Variants in RGS2 observed in about 807,000 individuals in gnomAD.
RGS2 encodes the protein regulator of G protein signaling 2.
In RGS2, 20 loss-of-function variants were observed where a neutral mutation model predicts 26.6. The ratio of observed to expected loss-of-function variants is 0.75; its 90% CI spans 0.53 to 1.09. RGS2 has a LOEUF of 1.09. Among genes scored for constraint, RGS2 ranks in the 50% least tolerant of loss-of-function variants. The pLI is 0.00. For synonymous variants in RGS2, 97 were observed against 79.9 expected, an observed-to-expected ratio of 1.21 and a Z score of -1.14; for missense variants, 246 against 245.5, an observed-to-expected ratio of 1.00 and a Z score of -0.01.
chr1:192,811,770 G>A lies in RGS2; in HGVS notation c.*174G>A. 1.5e-6 allele frequency: 1 copy of A among 679,944 alleles called. No individual in the cohort carries two copies. Among genetic ancestry groups the A allele is most frequent in the Non-Finnish European group, 2.6e-6 (1 of 378,788 alleles). The allele number at this position is 679,944 out of a possible 1,614,324, so 42.1% of individuals were successfully genotyped here. ...TCAGGAAGCCAGTAACTGACTAGGA[G>A]AAGCTGGTATCAGAACAGCTTCCCT... On this transcript the variant is annotated 3_prime_UTR_variant, in exon 5 of 5. Coordinates refer to ENST00000235382, the MANE Select transcript of RGS2 (RefSeq NM_002923.4).
rs141407357 is a variant in RGS2 at position 192,810,485 on chromosome 1, G to C, written c.274+54G>C. 1,943 of 1,539,566 alleles carry C rather than the reference G, an allele frequency of 1.3e-3. 4 individuals carry two copies. Among genetic ancestry groups the C allele is most frequent in the Non-Finnish European group, 1.2e-3 (1,282 of 1,114,638 alleles). On this transcript the variant is annotated intron_variant, in intron 3 of 4. Transcript: ENST00000235382. ...GCTAACATCGCAAAAGCCTGGAAAGGCTGCGTCCACCTAACAAAAGAGCAG... is the reference window on the plus strand; with the variant it reads ...GCTAACATCGCAAAAGCCTGGAAAGCCTGCGTCCACCTAACAAAAGAGCAG...
At position 192,811,907 on chromosome 1, in the gene RGS2, G is replaced by T; in HGVS notation, c.*311G>T. On this transcript the variant is annotated 3_prime_UTR_variant, in exon 5 of 5. Transcript: ENST00000235382. ...ACAATGTAATACTGTTGGTCCAAAA[G>T]CATTTAAAATCAATAGATCTGGGAT... 5.1e-6 allele frequency: 2 copies of T among 391,426 alleles called. No individual in the cohort carries two copies. The highest frequency in any genetic ancestry group is 9.6e-6 in the Non-Finnish European group (2 of 207,862). The allele number at this position is 391,426 out of a possible 1,614,324, so 24.2% of individuals were successfully genotyped here.
rs1665593371 is a variant in RGS2 at position 192,811,586 on chromosome 1, A to G, written c.626A>G (p.His209Arg). Residue 209 changes from histidine (H) to arginine (R), a missense_variant, in exon 5 of 5, where the codon CAT becomes CGT. Coordinates refer to ENST00000235382, the MANE Select transcript of RGS2 (RefSeq NM_002923.4). ...AAGCCACAAATCACCACAGAGCCTC[A>G]TGCTACATGAAATGTAAAAGGGAGC... ...CKKPQITTEP[H>R]AT 6.2e-7 allele frequency: 1 copy of G among 1,612,406 alleles called. No individual in the cohort carries two copies.
In RGS2 at chr1:192,811,367, A is replaced by C. The variant is rs759877100; in HGVS notation, c.442-35A>C. 11 of 1,535,834 alleles carry C rather than the reference A, an allele frequency of 7.2e-6. No individual in the cohort carries two copies. In the Admixed American group the frequency reaches 1.0e-4, roughly 14 times the overall value. ...TACTAAATTTTAATCTTTAACTCTG[A>C]ATACCAAATAAACAACTTTTTTGTT... On this transcript the variant is annotated intron_variant, in intron 4 of 4. Transcript: ENST00000235382.
chr1:192,809,233 C>T, intron 1 of RGS2, 52 bp downstream of exon 1: 1 of 1,294,744 alleles, frequency 7.7e-7, no homozygotes, highest in Non-Finnish European at 1.1e-6. Context: ...ACACTGCAAG[C>T]TGCAAACGCG....
At chr1:192,809,759 G>T (rs1665555072) in intron 1 of RGS2, among the ~76,000 whole-genome samples, 1 of 152,170 alleles carries the variant, frequency 6.6e-6, no homozygotes, top group African/African-American at 2.4e-5. Flanking sequence ...AAAGAGAGAA[G>T]CGTGGGCCGG....
Position 192,811,719 on chromosome 1 carries a change from C to G in RGS2, c.*123C>G. On this transcript the variant is annotated 3_prime_UTR_variant, in exon 5 of 5. Coordinates refer to ENST00000235382, the MANE Select transcript of RGS2 (RefSeq NM_002923.4). The stretch of plus-strand genomic sequence containing the variant: ...GGTGTTCAGGAAACATCACTCAGAA[C>G]TATTGATTCAAAGTTGGGTAGTGAA... The G allele has an allele frequency of 2.1e-6, 2 of 970,856 alleles. No individual in the cohort carries two copies. Among genetic ancestry groups the G allele is most frequent in the Non-Finnish European group, 3.3e-6 (2 of 604,152 alleles). 60.1% of individuals were successfully genotyped at this position (970,856 alleles called of 1,614,324 possible).
At position 192,810,179 on chromosome 1, in the gene RGS2, A is replaced by T; in HGVS notation, c.124A>T (p.Lys42Ter). 1 of 1,609,378 alleles carries T rather than the reference A, an allele frequency of 6.2e-7. No homozygotes were observed. The highest frequency in any genetic ancestry group is 8.5e-7 in the Non-Finnish European group (1 of 1,175,672). ...KMKRTLLKDW[K>*]TRLSYFLQNS... ...TTTTTGTTTTAGTTTAAAAGATTGG[A>T]AGACCCGTTTGAGCTACTTCTTACA... is the stretch of plus-strand genomic sequence containing the variant. The change falls in exon 2 of 5, where the codon AAG (lysine) becomes TAG (stop). Residue 42 changes from lysine (K) to a stop codon, truncating the protein, a stop_gained. Coordinates refer to ENST00000235382, the MANE Select transcript of RGS2 (RefSeq NM_002923.4). LOFTEE classifies it high-confidence loss of function.
chr1:192,811,402 A>C lies in RGS2; in HGVS notation c.442A>C (p.Ile148Leu). The C allele has an allele frequency of 6.2e-7, 1 of 1,611,104 alleles. No individual in the cohort carries two copies. Among genetic ancestry groups the C allele is most frequent in the Non-Finnish European group, 8.5e-7 (1 of 1,177,996 alleles). ...AAACAACTTTTTTGTTTTATTTCAGATAAACATAGATTTTCAAACCAAAAC... is the reference window on the plus strand; with the variant it reads ...AAACAACTTTTTTGTTTTATTTCAGCTAAACATAGATTTTCAAACCAAAAC... ...DFIEKEAPKE[I>L]NIDFQTKTLI... Residue 148 changes from isoleucine (I) to leucine (L), a missense_variant and splice_region_variant, in exon 5 of 5, where the codon ATA becomes CTA. Transcript: ENST00000235382.
intron 1 of RGS2, chr1:192,809,662 T>G: frequency 3.7e-6 from 1 of 272,720 alleles, no homozygotes; most frequent in Non-Finnish European, 7.2e-6. Context: ...TTAAAAGAAG[T>G]GTCGTAGGTG....
intron 3 of RGS2, 22 bp from the exon 4 acceptor site, chr1:192,810,958 GC>G: frequency 7.5e-6 from 12 of 1,610,326 alleles, no homozygotes; most frequent in Non-Finnish European, 1.0e-5. Context: ...CATTCTGCAT[GC>G]TCTCTTTTCT....
chr1:192,810,955 C>T, intron 3 of RGS2, 26 bp from the exon 4 acceptor site: 3 of 1,582,870 alleles, frequency 1.9e-6, no homozygotes, highest in Non-Finnish European at 2.6e-6. Flanking sequence ...TCACATTCTG[C>T]ATGCTCTCTT....
At chr1:192,809,257 C>A in intron 1 of RGS2, 76 bp downstream of exon 1, 1 of 1,070,602 alleles carries the variant, frequency 9.3e-7, no homozygotes, top group Non-Finnish European at 1.5e-6. Context: ...CTTTCGGGCT[C>A]GCCTTTGACG....
At position 192,811,610 on chromosome 1, in the gene RGS2, GC is replaced by G; in HGVS notation, c.*17del. Reference sequence around the variant, plus strand: ...CATGCTACATGAAATGTAAAAGGGAGCCCAGAAATGGAGGACATTTCATTCT... The same window carrying G: ...CATGCTACATGAAATGTAAAAGGGAGCCAGAAATGGAGGACATTTCATTCT... On this transcript the variant is annotated 3_prime_UTR_variant, in exon 5 of 5. Coordinates refer to ENST00000235382, the MANE Select transcript of RGS2 (RefSeq NM_002923.4). 6.2e-7 allele frequency: 1 copy of G among 1,611,362 alleles called. No homozygotes were observed. The highest frequency in any genetic ancestry group is 8.5e-7 in the Non-Finnish European group (1 of 1,177,518).
intron 1 of RGS2, 91 bp from the exon 2 acceptor site, chr1:192,810,075 G>A (rs1665559297): frequency 1.2e-6 from 1 of 802,958 alleles, no homozygotes. Flanking sequence ...TCTAGTTACT[G>A]GGTGACTTTA....
In RGS2 at chr1:192,809,062, G is replaced by T; in HGVS notation, c.-10G>T. On this transcript the variant is annotated 5_prime_UTR_variant, in exon 1 of 5. Transcript: ENST00000235382. ...CCGCAAACAGCCGGGGCTCCAGCGG[G>T]AGAACGATAATGCAAAGTGCTATGT... 1 of 1,603,314 alleles carries T rather than the reference G, an allele frequency of 6.2e-7. No individual in the cohort carries two copies. The highest frequency in any genetic ancestry group is 2.2e-5 in the East Asian group (1 of 44,814).
Position 192,810,432 on chromosome 1 carries a change from GTAAGT to G in RGS2, c.274+5_274+9del, listed in dbSNP as rs1665572932. ...TTTGACGAGCTGCTAGCCAGCAAATGTAAGTTAACTCTTGAGCTTGAGCCATTGCT... is the reference window on the plus strand; with the variant it reads ...TTTGACGAGCTGCTAGCCAGCAAATGTAACTCTTGAGCTTGAGCCATTGCT... On this transcript the variant is annotated splice_donor_variant and splice_donor_5th_base_variant and intron_variant, in intron 3 of 4. Transcript: ENST00000235382. LOFTEE classifies it high-confidence loss of function. 1.9e-6 allele frequency: 3 copies of G among 1,613,864 alleles called. No individual in the cohort carries two copies. The highest frequency in any genetic ancestry group is 2.5e-6 in the Non-Finnish European group (3 of 1,179,842).
At position 192,809,056 on chromosome 1, in the gene RGS2, C is replaced by G. The variant is rs1324682377; in HGVS notation, c.-16C>G. On this transcript the variant is annotated 5_prime_UTR_variant, in exon 1 of 5. Transcript: ENST00000235382. ...GCCCAGCCGCAAACAGCCGGGGCTC[C>G]AGCGGGAGAACGATAATGCAAAGTG... is the stretch of plus-strand genomic sequence containing the variant. 1.3e-6 allele frequency: 2 copies of G among 1,592,118 alleles called. No individual in the cohort carries two copies. Among genetic ancestry groups the G allele is most frequent in the Admixed American group, 1.7e-5 (1 of 60,002 alleles).
chr1:192,809,358 G>C, intron 1 of RGS2, 177 bp downstream of exon 1: 1 of 647,498 alleles, frequency 1.5e-6, no homozygotes, highest in Admixed American at 2.2e-5. Context: ...CTCGGGTACA[G>C]TTTAAGAACC....
Sources: allele counts gnomAD v4.1 joint callset (sites outside exome capture counted in the v4.1 genomes callset), GRCh38; gene constraint gnomAD v4.1.1; transcripts MANE v1.5; gene names NCBI Gene and HGNC (gene_info 2026-07-23, HGNC 2026-07-21).